Variants in MDM1 observed in about 807,000 individuals in gnomAD.
MDM1 encodes Mdm1 nuclear protein.
MDM1 carries 61 observed loss-of-function variants against 89.1 expected under a neutral mutation model. That is an observed-to-expected ratio of 0.68 (90% CI 0.56 to 0.85). MDM1 has a LOEUF of 0.85. MDM1 is among the 40% of genes least tolerant of loss of function. The pLI, the probability that MDM1 is intolerant of heterozygous loss-of-function variation, is 0.00. For synonymous variants in MDM1, 290 were observed against 294.1 expected, an observed-to-expected ratio of 0.99 and a Z score of 0.14; for missense variants, 820 against 846.5, an observed-to-expected ratio of 0.97 and a Z score of 0.39.
chr12:68,298,243 T>C (rs572776436), intron 13 of MDM1, among the ~76,000 whole-genome samples: 1 of 152,300 alleles, frequency 6.6e-6, no homozygotes, highest in African/African-American at 2.4e-5. Flanking sequence ...TGGTCCTGAA[T>C]CTGTCTACGT....
At chr12:68,327,057 A>T in intron 2 of MDM1, 36 bp from the exon 3 acceptor site, 1 of 1,531,996 alleles carries the variant, frequency 6.5e-7, no homozygotes, top group Non-Finnish European at 8.7e-7. Flanking sequence ...GTAGCTACTA[A>T]AGCAAAAAGT....
chr12:68,329,257 C>G (rs1012313322), intron 2 of MDM1, among the ~76,000 whole-genome samples: 1 of 152,140 alleles, frequency 6.6e-6, no homozygotes, highest in Non-Finnish European at 1.5e-5. Context: ...TGAAGTTTGC[C>G]GCTGGGTCAG....
chr12:68,314,588 C>G (rs1874200610), intron 10 of MDM1, among the ~76,000 whole-genome samples: 1 of 152,156 alleles, frequency 6.6e-6, no homozygotes. Context: ...AAAACATTAT[C>G]TTTTTTGGTA....
At chr12:68,326,330 A>G in intron 3 of MDM1, 1 of 1,379,844 alleles carries the variant, frequency 7.2e-7, no homozygotes, top group African/African-American at 1.5e-5. Context: ...CCCTGCCAGA[A>G]GTAAGGGCCT....
At chr12:68,331,603 T>C (rs938064305) in intron 1 of MDM1, among the ~76,000 whole-genome samples, 2 of 152,214 alleles carry the variant, frequency 1.3e-5, no homozygotes, top group Admixed American at 1.3e-4. Context: ...CTAGGACCTT[T>C]TGCTATTTGA....
At chr12:68,328,571 A>G (rs1307442978) in intron 2 of MDM1, among the ~76,000 whole-genome samples, 2 of 152,204 alleles carry the variant, frequency 1.3e-5, no homozygotes, top group Non-Finnish European at 2.9e-5. Flanking sequence ...ATTTATTATA[A>G]AAAATAGCAA....
intron 12 of MDM1, among the ~76,000 whole-genome samples, chr12:68,306,683 T>C (rs1872931465): frequency 1.3e-5 from 2 of 152,090 alleles, no homozygotes; most frequent in Non-Finnish European, 2.9e-5. Flanking sequence ...TAATGAGATA[T>C]CATCTCACAC....
At position 68,331,138 on chromosome 12, in the gene MDM1, G is replaced by C. The variant is rs779957396; in HGVS notation, c.102C>G (p.Tyr34Ter). ...GATCTGATCTAAGTCCAGCCCATGG[G>C]TACTTTCGCCCCACGGAGGAATTAC... ...ESCNSSVGRK[Y>*]PWAGLRSDQL... The change falls in exon 2 of 15, where the codon TAC becomes TAG. Residue 34 changes from tyrosine to a stop codon, truncating the protein, a stop_gained. Coordinates refer to ENST00000682720, the MANE Select transcript of MDM1 (RefSeq NM_001354969.2). LOFTEE classifies it high-confidence loss of function. The C allele has an allele frequency of 6.2e-7, 1 of 1,608,940 alleles. No homozygotes were observed. Among genetic ancestry groups the C allele is most frequent in the Non-Finnish European group, 8.5e-7 (1 of 1,175,360 alleles).
chr12:68,307,163 T>C (rs191579790), intron 12 of MDM1, among the ~76,000 whole-genome samples: 1 of 152,154 alleles, frequency 6.6e-6, no homozygotes, highest in East Asian at 1.9e-4. Flanking sequence ...AACATAAAGA[T>C]GGAAACAGAC....
intron 14 of MDM1, among the ~76,000 whole-genome samples, chr12:68,295,681 T>C (rs1331516144): frequency 6.6e-6 from 1 of 152,210 alleles, no homozygotes; most frequent in Non-Finnish European, 1.5e-5. Context: ...AAATAATTCA[T>C]CATAATACTG....
Position 68,295,179 on chromosome 12 carries a change from A to AT in MDM1, c.*74_*75insA. 1.1e-6 allele frequency: 1 copy of AT among 927,636 alleles called. No homozygotes were observed. Among genetic ancestry groups the AT allele is most frequent in the Non-Finnish European group, 1.7e-6 (1 of 600,354 alleles). 57.5% of individuals were successfully genotyped at this position (927,636 alleles called of 1,614,324 possible). A position where few individuals can be genotyped will look rare whatever the true frequency, so the allele number is the denominator to read the frequency against. On this transcript the variant is annotated 3_prime_UTR_variant, in exon 15 of 15. Coordinates refer to ENST00000682720, the MANE Select transcript of MDM1 (RefSeq NM_001354969.2). Reference sequence around the variant, plus strand: ...GAAAACGTTAGGAAAAACTTCACTCAAAAAATTTTAACACAGTAAGCAATA... The same window carrying AT: ...GAAAACGTTAGGAAAAACTTCACTCATAAAAATTTTAACACAGTAAGCAATA...
At chr12:68,296,435 C>CT (rs1871402829) in intron 14 of MDM1, among the ~76,000 whole-genome samples, 1 of 152,084 alleles carries the variant, frequency 6.6e-6, no homozygotes, top group African/African-American at 2.4e-5. Flanking sequence ...GAGGCAGAGG[C>CT]TGCAGTGAGC....
chr12:68,307,241 A>G (rs989759879), intron 12 of MDM1, among the ~76,000 whole-genome samples: 4 of 152,204 alleles, frequency 2.6e-5, no homozygotes, highest in African/African-American at 9.6e-5. Flanking sequence ...ATTGGGTACA[A>G]TGTTCACTAT....
chr12:68,304,530 C>T (rs1371899309), intron 12 of MDM1, among the ~76,000 whole-genome samples: 3 of 152,166 alleles, frequency 2.0e-5, no homozygotes, highest in Non-Finnish European at 4.4e-5. Context: ...CACTTGTTTT[C>T]CTTTTTAAAC....
intron 11 of MDM1, 34 bp downstream of exon 11, chr12:68,313,610 G>C (rs368717090): frequency 1.9e-6 from 3 of 1,607,678 alleles, no homozygotes; most frequent in Non-Finnish European, 2.6e-6. Context: ...GAAAAAGCAG[G>C]TTAAATAAGA....
At chr12:68,300,994 C>A (rs558021662) in intron 13 of MDM1, among the ~76,000 whole-genome samples, 2 of 152,240 alleles carry the variant, frequency 1.3e-5, no homozygotes, top group Admixed American at 1.3e-4. Context: ...TAGAAATCAA[C>A]TCCAAAAGGA....
intron 2 of MDM1, among the ~76,000 whole-genome samples, chr12:68,328,808 T>A (rs1876379271): frequency 6.6e-6 from 1 of 152,082 alleles, no homozygotes; most frequent in Non-Finnish European, 1.5e-5. Context: ...GGGACAGCCA[T>A]CCTCGGTAAC....
chr12:68,299,947 G>A (rs756400057), intron 13 of MDM1, among the ~76,000 whole-genome samples: 1 of 152,106 alleles, frequency 6.6e-6, no homozygotes, highest in Non-Finnish European at 1.5e-5. Context: ...AAAGCATCAG[G>A]TAACTTACAA....
At chr12:68,314,101 C>T (rs866338405) in intron 10 of MDM1, among the ~76,000 whole-genome samples, 65 of 146,634 alleles carry the variant, frequency 4.4e-4, no homozygotes, top group African/African-American at 1.5e-3. Context: ...CGTGCCACTG[C>T]ACTCCAGCCT....
Sources: gnomAD v4.1 joint callset for allele counts (sites outside exome capture counted in the v4.1 genomes callset) on GRCh38, gnomAD v4.1.1 for gene constraint, MANE v1.5 for transcripts, NCBI Gene and HGNC (gene_info 2026-07-23, HGNC 2026-07-21) for gene names.